CFAP20DC: variants seen among roughly 807,000 people sequenced by gnomAD.
The protein encoded by CFAP20DC is protein CFAP20DC.
CFAP20DC carries 84 observed loss-of-function variants against 101.7 expected under a neutral mutation model. The ratio of observed to expected loss-of-function variants is 0.83; its 90% CI spans 0.69 to 0.99. The LOEUF (loss-of-function observed/expected upper bound fraction) is 0.99, where lower values mean the gene tolerates loss of function less well. Among genes scored for constraint, CFAP20DC ranks in the 50% least tolerant of loss-of-function variants. The pLI is 0.00. For missense variants in CFAP20DC, 1,007 were observed against 970.3 expected, an observed-to-expected ratio of 1.04 and a Z score of -0.50; for synonymous variants, 359 against 351.2, an observed-to-expected ratio of 1.02 and a Z score of -0.25.
rs1233435899 is a variant in CFAP20DC, at chr3:59,041,675, G to C, written c.206-2046C>G. Among the ~76,000 whole-genome samples the C allele has an allele frequency of 2.6e-5, 4 of 152,012 alleles. No homozygotes were observed. The South Asian group carries it at 6.2e-4, about 24-fold the overall frequency. The stretch of plus-strand genomic sequence containing the variant: ...TTCCTGAAATATGCAGCTTTTTACA[G>C]TTTTATAATCTGTTGTCTGTCAGAA... On this transcript the variant is annotated intron_variant, in intron 3 of 16. Coordinates refer to ENST00000482387, the MANE Select transcript of CFAP20DC (RefSeq NM_001394063.1).
intron 4 of CFAP20DC, among the ~76,000 whole-genome samples, chr3:58,952,731 C>G (rs1423935683): frequency 6.6e-6 from 1 of 151,980 alleles, no homozygotes; most frequent in African/African-American, 2.4e-5. Context: ...ATAAACTCTT[C>G]TACTAGCCTG....
intron 3 of CFAP20DC, among the ~76,000 whole-genome samples, chr3:58,720,788 A>T (rs149178455): frequency 6.6e-6 from 1 of 152,240 alleles, no homozygotes; most frequent in African/African-American, 2.4e-5. Flanking sequence ...TGTACAAGGC[A>T]ATATTAAACA....
rs900816252 is a variant in CFAP20DC at position 58,763,478 on chromosome 3, T to A, written c.2238-9615A>T. 5.9e-5 allele frequency among the ~76,000 whole-genome samples: 9 copies of A among 152,252 alleles called. No individual in the cohort carries two copies. In the Middle Eastern group the frequency reaches 0.014, roughly 230 times the overall value. On this transcript the variant is annotated intron_variant, in intron 15 of 16. Coordinates refer to ENST00000482387, the MANE Select transcript of CFAP20DC (RefSeq NM_001394063.1). ...AGGTTTTTAACTTCTTTGCCATGGG[T>A]TTGAACTTCCTCCTTTAGCTCAGAG...
intron 4 of CFAP20DC, among the ~76,000 whole-genome samples, chr3:58,961,237 T>TA (rs2091108130): frequency 6.6e-6 from 1 of 152,208 alleles, no homozygotes; most frequent in Non-Finnish European, 1.5e-5. Context: ...GGTATCAGGA[T>TA]AATAGCGGTC....
At chr3:58,949,461 C>G (rs1046109431) in intron 4 of CFAP20DC, among the ~76,000 whole-genome samples, 5 of 152,028 alleles carry the variant, frequency 3.3e-5, no homozygotes, top group African/African-American at 1.2e-4. Context: ...TTGAATGCGT[C>G]CCAGAGATTC....
chr3:58,943,604 C>T (rs754504415), intron 4 of CFAP20DC, among the ~76,000 whole-genome samples: 40 of 152,078 alleles, frequency 2.6e-4, no homozygotes, highest in Non-Finnish European at 4.6e-4. Context: ...GATAAATCCG[C>T]GAAGATGAGG....
At chr3:59,003,364 C>T (rs2093358751) in intron 4 of CFAP20DC, among the ~76,000 whole-genome samples, 1 of 152,170 alleles carries the variant, frequency 6.6e-6, no homozygotes. Flanking sequence ...GACTTAATAT[C>T]TGGCAAGTCA....
At chr3:58,933,775 G>T (rs1424568308) in intron 5 of CFAP20DC, among the ~76,000 whole-genome samples, 1 of 151,832 alleles carries the variant, frequency 6.6e-6, no homozygotes, top group Non-Finnish European at 1.5e-5. Context: ...TCAAAGCAGT[G>T]TGTAGAGGGA....
At position 58,809,541 on chromosome 3, in the gene CFAP20DC, G is replaced by C. The variant is rs556920947; in HGVS notation, c.2176-3085C>G. On this transcript the variant is annotated intron_variant, in intron 14 of 16. Transcript: ENST00000482387. The stretch of plus-strand genomic sequence containing the variant: ...CATAACATACCAGAATCTCTGGGAC[G>C]CATTCAAAGCAGTGTGTAGAGGGAA... Among the ~76,000 whole-genome samples, 17 of 151,912 alleles carry C rather than the reference G, an allele frequency of 1.1e-4. No homozygotes were observed. The East Asian group carries it at 1.7e-3, about 16-fold the overall frequency.
intron 4 of CFAP20DC, among the ~76,000 whole-genome samples, chr3:58,945,228 A>G (rs1199489061): frequency 6.6e-6 from 1 of 152,184 alleles, no homozygotes; most frequent in East Asian, 1.9e-4. Flanking sequence ...AATTAATCCC[A>G]GTATCCACCT....
At chr3:58,922,361 T>A (rs188851600) in intron 5 of CFAP20DC, among the ~76,000 whole-genome samples, 23 of 152,318 alleles carry the variant, frequency 1.5e-4, no homozygotes, top group African/African-American at 5.5e-4. Flanking sequence ...TTGCTACGGT[T>A]TGGATATGGC....
chr3:58,931,890 G>T (rs1387066669), intron 5 of CFAP20DC, among the ~76,000 whole-genome samples: 1 of 152,248 alleles, frequency 6.6e-6, no homozygotes. Flanking sequence ...AAGGAACGCA[G>T]TTCCTCTCCA....
chr3:59,022,201 T>A (rs1042640952), intron 4 of CFAP20DC, among the ~76,000 whole-genome samples: 28 of 152,190 alleles, frequency 1.8e-4, no homozygotes, highest in African/African-American at 6.3e-4. Context: ...CATGTTCACC[T>A]TTTTGCAACT....
At position 58,722,063 on chromosome 3, in the gene CFAP20DC, T is replaced by C. The variant is rs921107690; in HGVS notation, c.198-4435A>G. 2.0e-5 allele frequency among the ~76,000 whole-genome samples: 3 copies of C among 152,196 alleles called. No individual in the cohort carries two copies. Among genetic ancestry groups the C allele is most frequent in the Non-Finnish European group, 4.4e-5 (3 of 68,028 alleles). On this transcript the variant is annotated intron_variant, in intron 3 of 3. Transcript: ENST00000486145. This position sits in a 1 kb window ranked among gnomAD's most constrained non-coding sequence, Gnocchi z 4.5. ...TTTTTACCTAGCTCACTTGGAACAT[T>C]TGCTTTCTGGATGCTCCTCTTGGGA... is the stretch of plus-strand genomic sequence containing the variant.
chr3:58,990,782 T>C (rs2092913113), intron 4 of CFAP20DC, among the ~76,000 whole-genome samples: 1 of 152,006 alleles, frequency 6.6e-6, no homozygotes, highest in Admixed American at 6.6e-5. Flanking sequence ...TGTGTGTGTG[T>C]GTGTGTGTAA....
chr3:58,776,560 C>T (rs1017456347), intron 15 of CFAP20DC, among the ~76,000 whole-genome samples: 2 of 151,348 alleles, frequency 1.3e-5, no homozygotes, highest in African/African-American at 4.9e-5. Context: ...CTTGTCACTT[C>T]TTTCAAAATT....
intron 3 of CFAP20DC, among the ~76,000 whole-genome samples, chr3:58,719,326 C>T (rs182619952): frequency 4.0e-4 from 61 of 152,272 alleles, no homozygotes; most frequent in African/African-American, 1.4e-3. Flanking sequence ...GAGTGAGTAG[C>T]GTTCTAGTTA....
chr3:58,848,936 G>T, intron 13 of CFAP20DC, 96 bp downstream of exon 13: 1 of 1,378,824 alleles, frequency 7.3e-7, no homozygotes, highest in Non-Finnish European at 9.6e-7. Flanking sequence ...TCACCCAAAT[G>T]ATGAAAAAGA....
In CFAP20DC at chr3:58,799,733, C is replaced by CTGTGTGTGTGTG. The variant is rs112827949; in HGVS notation, c.2237+6650_2237+6661dup. ...AGTGTGTGTGTGTCTGTGTGTGTGTCTGTGTGTGTGTGTGTGTGTGTGTGT... is the reference window on the plus strand; with the variant it reads ...AGTGTGTGTGTGTCTGTGTGTGTGTCTGTGTGTGTGTGTGTGTGTGTGTGTGTGTGTGTGTGT... On this transcript the variant is annotated intron_variant, in intron 15 of 16. Transcript: ENST00000482387. The surrounding 1 kb of genome is among the most constrained non-coding windows in gnomAD (Gnocchi z 4.9). 7.0e-6 allele frequency among the ~76,000 whole-genome samples: 1 copy of CTGTGTGTGTGTG among 142,856 alleles called. No homozygotes were observed. Among genetic ancestry groups the CTGTGTGTGTGTG allele is most frequent in the Admixed American group, 7.0e-5 (1 of 14,346 alleles). The allele number at this position is 142,856 out of a possible 152,430, so 93.7% of individuals were successfully genotyped here.
Sources: gnomAD v4.1 joint callset for allele counts (sites outside exome capture counted in the v4.1 genomes callset) on GRCh38, gnomAD v4.1.1 for gene constraint, Gnocchi (gnomAD v3.1) non-coding constraint, MANE v1.5 for transcripts, NCBI Gene and HGNC (gene_info 2026-07-23, HGNC 2026-07-21) for gene names.